The following HYDIN variants were observed in gnomAD, a reference collection of about 807,000 sequenced individuals.
HYDIN encodes the protein axonemal central pair apparatus protein HYDIN.
In HYDIN, 132 loss-of-function variants were observed where a neutral mutation model predicts 403.9. That is an observed-to-expected ratio of 0.33 (90% CI 0.28 to 0.38). HYDIN has a LOEUF of 0.38. HYDIN is among the 10% of genes least tolerant of loss of function. The pLI is 1.00. For missense variants in HYDIN, 2,827 were observed against 5,009.5 expected, an observed-to-expected ratio of 0.56 and a Z score of 13.15; for synonymous variants, 1,202 against 1,891.7, an observed-to-expected ratio of 0.64 and a Z score of 9.46.
intron 48 of HYDIN, 47 bp from the exon 49 acceptor site, chr16:70,908,481 G>A (rs2076599336): frequency 5.0e-6 from 6 of 1,204,048 alleles, no homozygotes; most frequent in South Asian, 4.7e-5. Flanking sequence ...CTCCCCTCTG[G>A]CCAAGAGAAG....
At chr16:70,909,852 C>G (rs563789355) in intron 47 of HYDIN, among the ~76,000 whole-genome samples, 1 of 151,434 alleles carries the variant, frequency 6.6e-6, no homozygotes, top group Non-Finnish European at 1.5e-5. Flanking sequence ...CCTGCCACCA[C>G]GCCTGACTAA....
rs1363396984 is a variant in HYDIN at position 70,802,734 on chromosome 16, T to C, written c.*4846A>G. ...TTTGTGGTAATTTGTTATGCAGCCATAGAAAATGAATACAAAGGCTAATCC... is the reference window on the plus strand; with the variant it reads ...TTTGTGGTAATTTGTTATGCAGCCACAGAAAATGAATACAAAGGCTAATCC... On this transcript the variant is annotated 3_prime_UTR_variant, in exon 86 of 86. Coordinates refer to ENST00000393567, the MANE Select transcript of HYDIN (RefSeq NM_001270974.2). 6.6e-6 allele frequency: 1 copy of C among 152,174 alleles called. No individual in the cohort carries two copies. Among genetic ancestry groups the C allele is most frequent in the Non-Finnish European group, 1.5e-5 (1 of 68,018 alleles). 9.4% of individuals were successfully genotyped at this position (152,174 alleles called of 1,614,324 possible).
chr16:71,178,905 C>T, intron 4 of HYDIN, 23 bp downstream of exon 4: 2 of 1,598,176 alleles, frequency 1.3e-6, no homozygotes, highest in Non-Finnish European at 1.7e-6. Flanking sequence ...GAACAGTTCA[C>T]CCACCCCAGT....
At chr16:70,971,373 A>T (rs922282645) in intron 35 of HYDIN, among the ~76,000 whole-genome samples, 1 of 152,262 alleles carries the variant, frequency 6.6e-6, no homozygotes, top group African/African-American at 2.4e-5. Flanking sequence ...GTTAATAGTG[A>T]TATCATAACT....
chr16:71,177,685 T>G (rs1039181235), intron 4 of HYDIN, among the ~76,000 whole-genome samples: 1 of 152,218 alleles, frequency 6.6e-6, no homozygotes, highest in Admixed American at 6.5e-5. Context: ...ATTTTTTGTC[T>G]CCACATTCTT....
intron 78 of HYDIN, 123 bp downstream of exon 78, chr16:70,835,553 C>G (rs1020417616): frequency 1.8e-5 from 13 of 707,770 alleles, no homozygotes; most frequent in Admixed American, 2.8e-5. Flanking sequence ...ACAGGGAAGG[C>G]TCTTAGAATG....
chr16:70,944,818 T>A (rs1016222572), intron 41 of HYDIN, among the ~76,000 whole-genome samples: 2 of 152,210 alleles, frequency 1.3e-5, no homozygotes, highest in Admixed American at 1.3e-4. Context: ...AATGGTGCCA[T>A]CTTGGCTCAC....
intron 10 of HYDIN, among the ~76,000 whole-genome samples, chr16:71,105,214 C>G (rs1487536114): frequency 2.6e-5 from 4 of 151,742 alleles, no homozygotes; most frequent in Admixed American, 2.6e-4. Flanking sequence ...AATTAGTCAA[C>G]TAGAAGAAAG....
At chr16:70,944,499 C>T (rs570638688) in intron 41 of HYDIN, among the ~76,000 whole-genome samples, 1 of 152,034 alleles carries the variant, frequency 6.6e-6, no homozygotes, top group Non-Finnish European at 1.5e-5. Context: ...GGGAGCAGAG[C>T]CTTTCTGGGA....
chr16:71,133,077 G>C, intron 8 of HYDIN: 1 of 363,740 alleles, frequency 2.7e-6, no homozygotes, highest in South Asian at 2.1e-5. Context: ...AGTCAATGGG[G>C]AAGATGTGTG....
chr16:70,824,594 C>A (rs2036467345), intron 83 of HYDIN, among the ~76,000 whole-genome samples: 1 of 148,214 alleles, frequency 6.7e-6, no homozygotes, highest in Non-Finnish European at 1.5e-5. Flanking sequence ...GTGGTGTGAT[C>A]TCGGCTCACT....
rs1434905855 is a variant in HYDIN at position 70,960,404 on chromosome 16, C to T, written c.5969-584G>A. 2.1e-4 allele frequency among the ~76,000 whole-genome samples: 27 copies of T among 127,566 alleles called. No individual in the cohort carries two copies. The East Asian group carries it at 6.1e-3, about 29-fold the overall frequency. The allele number at this position is 127,566 out of a possible 152,430, so 83.7% of individuals were successfully genotyped here. A position where few individuals can be genotyped will look rare whatever the true frequency, so the allele number is the denominator to read the frequency against. ...GTTTTGGCAGAGACTGTATAGCCTT[C>T]AAAGCCCCAAATATTTACTGTCTGG... On this transcript the variant is annotated intron_variant, in intron 38 of 85. Transcript: ENST00000393567.
In HYDIN at chr16:70,941,748, G is replaced by A; in HGVS notation, c.6741C>T (p.Ala2247=). Residue 2247 remains alanine, a synonymous_variant, in exon 43 of 86, where the codon GCC becomes GCT. Transcript: ENST00000393567. ...DTLFAQNAAA[A]LLCLLKAIGS... Reference sequence around the variant, plus strand: ...CAATGGCCTTCAGCAGGCAGAGGAGGGCGGCTGCAGCATTCTGAGCAAAGA... The same window carrying A: ...CAATGGCCTTCAGCAGGCAGAGGAGAGCGGCTGCAGCATTCTGAGCAAAGA... 1 of 1,594,000 alleles carries A rather than the reference G, an allele frequency of 6.3e-7. No homozygotes were observed. The highest frequency in any genetic ancestry group is 8.5e-7 in the Non-Finnish European group (1 of 1,171,336).
At chr16:70,871,840 G>A (rs577882681) in intron 65 of HYDIN, among the ~76,000 whole-genome samples, 197 bp downstream of exon 65, 6 of 134,708 alleles carry the variant, frequency 4.5e-5, no homozygotes, top group East Asian at 4.1e-4. Context: ...TTCATTCTCC[G>A]TCTTCCCCTC....
intron 7 of HYDIN, among the ~76,000 whole-genome samples, chr16:71,137,796 A>G (rs1420091373): frequency 6.6e-6 from 1 of 152,106 alleles, no homozygotes; most frequent in African/African-American, 2.4e-5. Context: ...ATTTAAGTCC[A>G]TTTGAGAACA....
chr16:70,888,250 G>C (rs1360677361), intron 58 of HYDIN, among the ~76,000 whole-genome samples: 1 of 152,240 alleles, frequency 6.6e-6, no homozygotes, highest in Non-Finnish European at 1.5e-5. Flanking sequence ...GTTCTTCCTG[G>C]TTCTTGGTAT....
intron 75 of HYDIN, among the ~76,000 whole-genome samples, chr16:70,842,649 T>C (rs1348801129): frequency 6.6e-6 from 1 of 151,822 alleles, no homozygotes; most frequent in Non-Finnish European, 1.5e-5. Context: ...CAGCACATAG[T>C]TGGATCATGA....
rs551273001 is a variant in HYDIN, at chr16:70,906,220, A to T, written c.8516+1152T>A. On this transcript the variant is annotated intron_variant, in intron 50 of 85. Coordinates refer to ENST00000393567, the MANE Select transcript of HYDIN (RefSeq NM_001270974.2). The stretch of plus-strand genomic sequence containing the variant: ...CTGTGGGTCCCCAATTCTGCCTAAA[A>T]ATCTCAGTCTGTTTCTCTAACATGC... 2.0e-5 allele frequency among the ~76,000 whole-genome samples: 3 copies of T among 152,156 alleles called. No homozygotes were observed. The South Asian group carries it at 6.2e-4, about 32-fold the overall frequency.
intron 3 of HYDIN, among the ~76,000 whole-genome samples, chr16:71,182,865 G>A (rs1158164829): frequency 6.6e-6 from 1 of 152,082 alleles, no homozygotes; most frequent in Non-Finnish European, 1.5e-5. Flanking sequence ...TCAGAAATGA[G>A]TGAATAATCC....
Sources: gnomAD v4.1 joint callset for allele counts (sites outside exome capture counted in the v4.1 genomes callset) on GRCh38, gnomAD v4.1.1 for gene constraint, MANE v1.5 for transcripts, NCBI Gene and HGNC (gene_info 2026-07-23, HGNC 2026-07-21) for gene names.